Variants in OXR1 observed in about 807,000 individuals in gnomAD.
OXR1 encodes the protein oxidation resistance 1.
Under a neutral mutation model 104.6 loss-of-function variants are expected in OXR1, and 41 were observed. The ratio of observed to expected loss-of-function variants is 0.39; its 90% confidence interval spans 0.31 to 0.51. The LOEUF (loss-of-function observed/expected upper bound fraction) is 0.51. Ranked by LOEUF, OXR1 falls within the 20% of genes least tolerant of loss-of-function variation. The pLI, the probability that OXR1 is intolerant of heterozygous loss-of-function variation, is 0.77. For synonymous variants in OXR1, 348 were observed against 348.4 expected (o/e 1.00, Z 0.01); for missense variants, 955 against 1,031.9 (o/e 0.93, Z 1.02).
At chr8:106,383,126 T>C (rs530576978) in intron 2 of OXR1, among the ~76,000 whole-genome samples, 1 of 152,342 alleles carries the variant, frequency 6.6e-6, no homozygotes, top group South Asian at 2.1e-4. Context: ...TCTATTCTAA[T>C]GGAAATCATA....
chr8:106,389,530 C>T (rs551497766), intron 2 of OXR1, among the ~76,000 whole-genome samples: 25 of 152,262 alleles, frequency 1.6e-4, no homozygotes, highest in African/African-American at 5.5e-4. Flanking sequence ...TTCAGTAATT[C>T]ATGGAATAAT....
chr8:106,690,241 TATAA>T (rs1829144167), intron 6 of OXR1, among the ~76,000 whole-genome samples: 3 of 150,946 alleles, frequency 2.0e-5, no homozygotes, highest in Admixed American at 2.0e-4. Context: ...ATAATAAAAC[TATAA>T]ATATCAATAC....
At chr8:106,495,946 T>C (rs1182684150) in intron 2 of OXR1, among the ~76,000 whole-genome samples, 4 of 152,220 alleles carry the variant, frequency 2.6e-5, no homozygotes, top group Admixed American at 2.6e-4. Context: ...ATCTGCTTTT[T>C]ATTCACTGTA....
intron 15 of OXR1, among the ~76,000 whole-genome samples, chr8:106,742,885 C>T (rs1403404849): frequency 3.3e-5 from 5 of 152,062 alleles, no homozygotes; most frequent in African/African-American, 7.2e-5. Flanking sequence ...GACATAGATA[C>T]GGGCAAAGAT....
At chr8:106,655,089 A>T (rs1824934090) in intron 3 of OXR1, among the ~76,000 whole-genome samples, 1 of 152,190 alleles carries the variant, frequency 6.6e-6, no homozygotes, top group Non-Finnish European at 1.5e-5. Context: ...TATAAAAGGC[A>T]AATCCACCGA....
At chr8:106,332,487 A>G (rs1401188175) in intron 1 of OXR1, among the ~76,000 whole-genome samples, 2 of 152,208 alleles carry the variant, frequency 1.3e-5, no homozygotes, top group Non-Finnish European at 2.9e-5. Context: ...TGAAACTAAG[A>G]AAGATAAAGC....
intron 7 of OXR1, among the ~76,000 whole-genome samples, chr8:106,698,838 G>T (rs1443900022): frequency 1.3e-5 from 2 of 151,704 alleles, no homozygotes; most frequent in African/African-American, 4.8e-5. Flanking sequence ...TTCTGGGTCT[G>T]TTTGCGTTTA....
At chr8:106,300,227 G>A (rs1383476536) in intron 1 of OXR1, among the ~76,000 whole-genome samples, 1 of 152,100 alleles carries the variant, frequency 6.6e-6, no homozygotes, top group Middle Eastern at 3.2e-3. Flanking sequence ...CTCTGACTGT[G>A]CAGTCTGACC....
At chr8:106,708,979 CA>C (rs1433408467) in intron 9 of OXR1, among the ~76,000 whole-genome samples, 2 of 149,914 alleles carry the variant, frequency 1.3e-5, no homozygotes, top group Non-Finnish European at 2.9e-5. Flanking sequence ...GGGCTGTGTT[CA>C]GTAGATATTA....
intron 3 of OXR1, among the ~76,000 whole-genome samples, chr8:106,629,246 T>C (rs1268376976): frequency 6.6e-6 from 1 of 152,162 alleles, no homozygotes; most frequent in Non-Finnish European, 1.5e-5. Flanking sequence ...TCTGTTTTTT[T>C]TTTTCCTCAT....
At chr8:106,467,231 C>A (rs956487129) in intron 2 of OXR1, among the ~76,000 whole-genome samples, 21 of 151,880 alleles carry the variant, frequency 1.4e-4, no homozygotes, top group African/African-American at 4.8e-4. Flanking sequence ...TCTAGTTTAG[C>A]AAACAACAAG....
At chr8:106,539,095 C>A (rs553543012) in intron 3 of OXR1, among the ~76,000 whole-genome samples, 3 of 152,080 alleles carry the variant, frequency 2.0e-5, no homozygotes, top group Non-Finnish European at 4.4e-5. Flanking sequence ...TATCTTGTGG[C>A]CACTTATTTA....
chr8:106,683,425 A>G, intron 5 of OXR1, 119 bp downstream of exon 5: 1 of 505,672 alleles, frequency 2.0e-6, no homozygotes, highest in African/African-American at 1.9e-5. Flanking sequence ...ATGTGCTTTT[A>G]ACAAATCATA....
chr8:106,493,881 T>A (rs996012192), intron 2 of OXR1, among the ~76,000 whole-genome samples: 6 of 152,194 alleles, frequency 3.9e-5, no homozygotes, highest in African/African-American at 1.4e-4. Context: ...GACACACTCT[T>A]AGAAGGCTGC....
At chr8:106,556,892 T>G (rs540157993) in intron 3 of OXR1, among the ~76,000 whole-genome samples, 2 of 152,318 alleles carry the variant, frequency 1.3e-5, no homozygotes, top group South Asian at 4.1e-4. Context: ...TAGTCTGAGC[T>G]TTCCTCCCAT....
At chr8:106,622,453 G>GCACACACACA (rs34839524) in intron 3 of OXR1, among the ~76,000 whole-genome samples, 15 of 136,380 alleles carry the variant, frequency 1.1e-4, no homozygotes, top group African/African-American at 4.0e-4. Context: ...ATCACCCCCA[G>GCACACACACA]CACACACACA....
At chr8:106,595,880 A>T (rs1381112583) in intron 3 of OXR1, among the ~76,000 whole-genome samples, 1 of 152,316 alleles carries the variant, frequency 6.6e-6, no homozygotes, top group East Asian at 1.9e-4. Flanking sequence ...GTCTAGCTAC[A>T]GGTGCAGGTC....
intron 3 of OXR1, among the ~76,000 whole-genome samples, chr8:106,623,684 G>A (rs1264099100): frequency 1.3e-5 from 2 of 152,140 alleles, no homozygotes; most frequent in East Asian, 1.9e-4. Flanking sequence ...AAGAGGAGGT[G>A]GGAGAGTACC....
chr8:106,290,955 A>C (rs1358695173), intron 1 of OXR1, among the ~76,000 whole-genome samples: 1 of 152,166 alleles, frequency 6.6e-6, no homozygotes, highest in African/African-American at 2.4e-5. Flanking sequence ...ATATGGCCAA[A>C]AGAAAATAGA....
Sources: allele counts gnomAD v4.1 joint callset (sites outside exome capture counted in the v4.1 genomes callset), GRCh38; gene constraint gnomAD v4.1.1; transcripts MANE v1.5; gene names NCBI Gene and HGNC (gene_info 2026-07-23, HGNC 2026-07-21).